EREG: variants seen among roughly 807,000 people sequenced by gnomAD.
EREG encodes the protein proepiregulin.
EREG carries 23 observed loss-of-function variants against 22.4 expected under a neutral mutation model. The observed-to-expected ratio is 1.03, with a 90% CI of 0.74 to 1.46. The LOEUF (loss-of-function observed/expected upper bound fraction) is 1.46. EREG is among the 40% of genes most tolerant of loss of function. The pLI, the probability that EREG is intolerant of heterozygous loss-of-function variation, is 0.00. For missense variants in EREG, 226 were observed against 205.9 expected (o/e 1.10, Z -0.60); for synonymous variants, 100 against 75.4 (o/e 1.33, Z -1.69).
chr4:74,368,140 G>A (rs912836078), intron 1 of EREG, among the ~76,000 whole-genome samples: 1 of 152,168 alleles, frequency 6.6e-6, no homozygotes, highest in Non-Finnish European at 1.5e-5. Context: ...TAATAGAGAA[G>A]TTCCAGAGTA....
In EREG at chr4:74,387,450, A is replaced by C. The variant is rs894148400; in HGVS notation, c.*2642A>C. On this transcript the variant is annotated 3_prime_UTR_variant, in exon 5 of 5. Coordinates refer to ENST00000244869, the MANE Select transcript of EREG (RefSeq NM_001432.3). ...TTATCTTAAGCATGTCAATTCATAAAAACAAGTCATTTTTGTATTTTTCAT... is the reference window on the plus strand; with the variant it reads ...TTATCTTAAGCATGTCAATTCATAACAACAAGTCATTTTTGTATTTTTCAT... 1 of 152,222 alleles carries C rather than the reference A, an allele frequency of 6.6e-6. No individual in the cohort carries two copies. Among genetic ancestry groups the C allele is most frequent in the African/African-American group, 2.4e-5 (1 of 41,454 alleles). The allele number at this position is 152,222 out of a possible 1,614,324, so 9.4% of individuals were successfully genotyped here.
At chr4:74,380,912 G>A (rs1397410620) in intron 2 of EREG, 102 bp from the exon 3 acceptor site, 1 of 1,280,280 alleles carries the variant, frequency 7.8e-7, no homozygotes, top group Admixed American at 2.1e-5. Context: ...ATTGGCATCT[G>A]ACTTGTTGTG....
chr4:74,372,908 C>T (rs557859734), intron 1 of EREG, among the ~76,000 whole-genome samples: 12 of 147,976 alleles, frequency 8.1e-5, no homozygotes, highest in South Asian at 4.3e-4. Context: ...CCCGGGTTCA[C>T]GCCATTCTCC....
At chr4:74,371,788 A>T (rs1484424559) in intron 1 of EREG, among the ~76,000 whole-genome samples, 1 of 152,024 alleles carries the variant, frequency 6.6e-6, no homozygotes, top group African/African-American at 2.4e-5. Context: ...TCATGCCTTC[A>T]TGCCCAAATG....
intron 3 of EREG, chr4:74,381,523 G>A (rs1235825737): frequency 1.3e-5 from 2 of 153,374 alleles, no homozygotes; most frequent in Non-Finnish European, 2.9e-5. Flanking sequence ...AAACTTTTCT[G>A]AGTTTTTAAA....
Position 74,387,094 on chromosome 4 carries a change from A to G in EREG, c.*2286A>G, listed in dbSNP as rs1054071133. On this transcript the variant is annotated 3_prime_UTR_variant, in exon 5 of 5. Coordinates refer to ENST00000244869, the MANE Select transcript of EREG (RefSeq NM_001432.3). ...GTGAGCCACCGCACGTAGCATTTAC[A>G]TTAGGTATTACAAGTAATGTAAAGA... The G allele has an allele frequency of 6.6e-6, 1 of 152,154 alleles. No individual in the cohort carries two copies. 9.4% of individuals were successfully genotyped at this position (152,154 alleles called of 1,614,324 possible). A position where few individuals can be genotyped will look rare whatever the true frequency, so the allele number is the denominator to read the frequency against.
chr4:74,378,654 C>G (rs1752423413), intron 1 of EREG, among the ~76,000 whole-genome samples: 1 of 151,932 alleles, frequency 6.6e-6, no homozygotes, highest in South Asian at 2.1e-4. Context: ...ATACCTAAAG[C>G]TTAAACAGAA....
chr4:74,382,963 T>G (rs1216747898), intron 4 of EREG, among the ~76,000 whole-genome samples, 169 bp downstream of exon 4: 1 of 152,178 alleles, frequency 6.6e-6, no homozygotes, highest in Non-Finnish European at 1.5e-5. Flanking sequence ...AACACCTGAG[T>G]GATGGGATCA....
In EREG at chr4:74,377,869, C is replaced by T. The variant is rs539416823; in HGVS notation, c.68-1579C>T. On this transcript the variant is annotated intron_variant, in intron 1 of 4. Transcript: ENST00000244869. ...CCCGCATTGATTCAATCACCTCCCT[C>T]CTTGGACACATGGGGATTACGGGTC... is the stretch of plus-strand genomic sequence containing the variant. Among the ~76,000 whole-genome samples the T allele has an allele frequency of 5.9e-5, 9 of 152,294 alleles. No homozygotes were observed. In the South Asian group the frequency reaches 1.2e-3, roughly 21 times the overall value.
chr4:74,376,644 G>A (rs1164111589), intron 1 of EREG, among the ~76,000 whole-genome samples: 4 of 152,172 alleles, frequency 2.6e-5, no homozygotes. Flanking sequence ...TTCCACAAGA[G>A]CAATTGAAGC....
intron 1 of EREG, among the ~76,000 whole-genome samples, chr4:74,370,683 G>C (rs1046266568): frequency 1.1e-4 from 16 of 152,022 alleles, no homozygotes. Context: ...AAGAGAGAGG[G>C]GTTACTGAGC....
chr4:74,379,454 A>G lies in EREG; in HGVS notation c.74A>G (p.His25Arg), dbSNP rs1417547524. The change falls in exon 2 of 5, where the codon CAT becomes CGT. Residue 25 changes from histidine (H) to arginine (R), a missense_variant. Transcript: ENST00000244869. ...GATTTTTCTTCATAAATAGGTTTCC[A>G]TCTTCTACAGGCAGTCCTCAGTACA... Reference protein sequence around the residue: ...VPALLLCLGFHLLQAVLSTTV... With the variant: ...VPALLLCLGFRLLQAVLSTTV... 6.2e-7 allele frequency: 1 copy of G among 1,601,166 alleles called. No homozygotes were observed. Among genetic ancestry groups the G allele is most frequent in the Non-Finnish European group, 8.6e-7 (1 of 1,168,528 alleles).
intron 1 of EREG, among the ~76,000 whole-genome samples, chr4:74,372,987 T>A (rs1191567228): frequency 6.8e-6 from 1 of 146,230 alleles, no homozygotes; most frequent in Admixed American, 6.8e-5. Context: ...TTTTTTTTTT[T>A]TTTTTTTTTT....
chr4:74,379,440 A>G lies in EREG; in HGVS notation c.68-8A>G. On this transcript the variant is annotated splice_polypyrimidine_tract_variant and splice_region_variant and intron_variant, in intron 1 of 4. Coordinates refer to ENST00000244869, the MANE Select transcript of EREG (RefSeq NM_001432.3). Reference sequence around the variant, plus strand: ...TTAGTTATATATTCGATTTTTCTTCATAAATAGGTTTCCATCTTCTACAGG... The same window carrying G: ...TTAGTTATATATTCGATTTTTCTTCGTAAATAGGTTTCCATCTTCTACAGG... The G allele has an allele frequency of 3.8e-6, 6 of 1,572,494 alleles. No homozygotes were observed. The African/African-American group carries it at 5.4e-5, about 14-fold the overall frequency.
At chr4:74,368,769 G>A (rs1993665) in intron 1 of EREG, among the ~76,000 whole-genome samples, 104,492 of 152,058 alleles carry the variant, frequency 0.69, 37,329 homozygotes, top group Non-Finnish European at 0.78. Context: ...TGTACAAATC[G>A]TCTAATTAAT....
rs373762804 is a variant in EREG at position 74,384,826 on chromosome 4, A to G, written c.*18A>G. ...AAGTCTGAATGGCGCCATCAAACTT[A>G]TGGGCAGGGATAACAGTGTGCCTGG... On this transcript the variant is annotated 3_prime_UTR_variant, in exon 5 of 5. Transcript: ENST00000244869. 5.3e-6 allele frequency: 8 copies of G among 1,503,132 alleles called. No individual in the cohort carries two copies. The highest frequency in any genetic ancestry group is 2.7e-5 in the African/African-American group (2 of 72,816). 93.1% of individuals were successfully genotyped at this position (1,503,132 alleles called of 1,614,324 possible).
At chr4:74,381,320 A>C in intron 3 of EREG, 183 bp downstream of exon 3, 1 of 520,244 alleles carries the variant, frequency 1.9e-6, no homozygotes, top group East Asian at 3.3e-5. Context: ...AACCCCCCCA[A>C]AACTCTTCTA....
In EREG at chr4:74,386,388, G is replaced by C. The variant is rs995555857; in HGVS notation, c.*1580G>C. Reference sequence around the variant, plus strand: ...TATACCCTGGTGCAATCACACGACTGTCATCTAAAGTCCTGGCCCTGGCCC... The same window carrying C: ...TATACCCTGGTGCAATCACACGACTCTCATCTAAAGTCCTGGCCCTGGCCC... On this transcript the variant is annotated 3_prime_UTR_variant, in exon 5 of 5. Transcript: ENST00000244869. 7 of 152,264 alleles carry C rather than the reference G, an allele frequency of 4.6e-5. No individual in the cohort carries two copies. Among genetic ancestry groups the C allele is most frequent in the African/African-American group, 1.7e-4 (7 of 41,442 alleles). The allele number at this position is 152,264 out of a possible 1,614,324, so 9.4% of individuals were successfully genotyped here. A position where few individuals can be genotyped will look rare whatever the true frequency, so the allele number is the denominator to read the frequency against.
In EREG at chr4:74,387,720, A is replaced by G. The variant is rs1752595660; in HGVS notation, c.*2912A>G. ...TCCCCCATTTTACAGATTTCTCACT[A>G]TATATATTTCTAGAAGGGGCTATGC... On this transcript the variant is annotated 3_prime_UTR_variant, in exon 5 of 5. Coordinates refer to ENST00000244869, the MANE Select transcript of EREG (RefSeq NM_001432.3). The G allele has an allele frequency of 6.6e-6, 1 of 152,166 alleles. No homozygotes were observed. Among genetic ancestry groups the G allele is most frequent in the Non-Finnish European group, 1.5e-5 (1 of 68,016 alleles). 9.4% of individuals were successfully genotyped at this position (152,166 alleles called of 1,614,324 possible). A position where few individuals can be genotyped will look rare whatever the true frequency, so the allele number is the denominator to read the frequency against.
Sources: allele counts gnomAD v4.1 joint callset (sites outside exome capture counted in the v4.1 genomes callset), GRCh38; gene constraint gnomAD v4.1.1; transcripts MANE v1.5; gene names NCBI Gene and HGNC (gene_info 2026-07-23, HGNC 2026-07-21).